Variants in COL19A1 observed in about 807,000 individuals in gnomAD.
COL19A1 encodes the protein collagen type XIX alpha 1 chain, also known as collagen alpha-1(XIX) chain.
Under a neutral mutation model 190.2 loss-of-function variants are expected in COL19A1, and 159 were observed. The ratio of observed to expected loss-of-function variants is 0.84; its 90% confidence interval spans 0.73 to 0.95. The LOEUF (loss-of-function observed/expected upper bound fraction) is 0.95. COL19A1 is among the 40% of genes least tolerant of loss of function. The probability of loss-of-function intolerance (pLI) is 0.00; values close to 1 mark genes in which losing one functional copy is unlikely to be tolerated. For missense variants in COL19A1, 1,418 were observed against 1,431.9 expected, an observed-to-expected ratio of 0.99 and a Z score of 0.16; for synonymous variants, 509 against 458.9, an observed-to-expected ratio of 1.11 and a Z score of -1.39.
At chr6:69,924,530 C>T (rs1772223929) in intron 4 of COL19A1, among the ~76,000 whole-genome samples, 1 of 152,144 alleles carries the variant, frequency 6.6e-6, no homozygotes, top group African/African-American at 2.4e-5. Context: ...GGTTCCAAGT[C>T]TTTGCTATTG....
At chr6:69,938,842 G>A (rs1405160829) in intron 9 of COL19A1, among the ~76,000 whole-genome samples, 1 of 152,106 alleles carries the variant, frequency 6.6e-6, no homozygotes, top group Non-Finnish European at 1.5e-5. Flanking sequence ...ACTCTTTTGA[G>A]TATATCTTTT....
At chr6:70,152,835 G>C (rs1787152009) in intron 31 of COL19A1, among the ~76,000 whole-genome samples, 1 of 152,070 alleles carries the variant, frequency 6.6e-6, no homozygotes, top group Admixed American at 6.6e-5. Flanking sequence ...GAATACTTAG[G>C]GTTCTTTAAG....
intron 2 of COL19A1, among the ~76,000 whole-genome samples, chr6:69,881,403 G>T (rs957521271): frequency 6.6e-6 from 1 of 151,678 alleles, no homozygotes; most frequent in African/African-American, 2.4e-5. Context: ...CATGAAGTCT[G>T]CCCTCTTAAC....
intron 11 of COL19A1, among the ~76,000 whole-genome samples, chr6:69,976,360 A>C (rs530068702): frequency 7.9e-5 from 12 of 152,346 alleles, no homozygotes; most frequent in African/African-American, 2.9e-4. Flanking sequence ...TTTGAAACAT[A>C]TGCTGGGTTT....
At chr6:69,959,952 A>AT (rs1384080271) in intron 9 of COL19A1, 44 bp from the exon 10 acceptor site, 13 of 1,579,596 alleles carry the variant, frequency 8.2e-6, no homozygotes, top group Non-Finnish European at 1.1e-5. Context: ...CTATGTTCAT[A>AT]TATCTTTATG....
chr6:70,126,925 C>T (rs1362682916), intron 17 of COL19A1, among the ~76,000 whole-genome samples: 2 of 152,112 alleles, frequency 1.3e-5, no homozygotes, highest in South Asian at 4.1e-4. Flanking sequence ...ATTTCTGTAC[C>T]TTTTAAGTTT....
At position 70,144,956 on chromosome 6, in the gene COL19A1, A is replaced by G; in HGVS notation, c.1719A>G (p.Pro573=). The stretch of plus-strand genomic sequence containing the variant: ...GGATCATAGGCCCTCCCGGGCTTCC[A>G]GGTCCAAAAGGTGAGGCTGGTCCTC... ...PGGIIGPPGL[P]GPKGEAGPPG... is the part of the protein sequence containing the mutation. Residue 573 remains proline, a synonymous_variant, in exon 25 of 51, where the codon CCA becomes CCG. Transcript: ENST00000620364. 1 of 1,593,208 alleles carries G rather than the reference A, an allele frequency of 6.3e-7. No individual in the cohort carries two copies. Among genetic ancestry groups the G allele is most frequent in the Non-Finnish European group, 8.6e-7 (1 of 1,168,226 alleles).
intron 19 of COL19A1, among the ~76,000 whole-genome samples, chr6:70,139,609 T>G (rs1248772040): frequency 6.6e-6 from 1 of 152,074 alleles, no homozygotes; most frequent in Non-Finnish European, 1.5e-5. Context: ...CAGAACAGGA[T>G]GTAGACTTTA....
At chr6:70,068,202 T>C (rs991187485) in intron 14 of COL19A1, among the ~76,000 whole-genome samples, 4 of 151,986 alleles carry the variant, frequency 2.6e-5, no homozygotes, top group African/African-American at 9.7e-5. Context: ...ACACCTGGTG[T>C]GGGTCTGCCT....
chr6:69,878,444 T>C (rs1426217161), intron 1 of COL19A1, among the ~76,000 whole-genome samples: 1 of 151,922 alleles, frequency 6.6e-6, no homozygotes, highest in African/African-American at 2.4e-5. Flanking sequence ...TCAATCTCTT[T>C]ACCTCGTGAT....
intron 1 of COL19A1, among the ~76,000 whole-genome samples, chr6:69,872,126 A>G (rs34516452): frequency 0.21 from 32,257 of 151,984 alleles, 3,598 homozygotes; most frequent in Admixed American, 0.25. Context: ...TGTACATGTT[A>G]TTCTTTGTTT....
intron 4 of COL19A1, among the ~76,000 whole-genome samples, chr6:69,925,370 A>C (rs1772297063): frequency 6.6e-6 from 1 of 152,096 alleles, no homozygotes; most frequent in Non-Finnish European, 1.5e-5. Flanking sequence ...TGTTTTTGTC[A>C]GGTTTCTCAA....
chr6:69,896,733 T>TA (rs1769801534), intron 2 of COL19A1, among the ~76,000 whole-genome samples: 1 of 152,154 alleles, frequency 6.6e-6, no homozygotes, highest in Admixed American at 6.5e-5. Flanking sequence ...ATTTCCTTGA[T>TA]AACTAATGAT....
At chr6:70,142,720 T>G (rs1562214085) in intron 22 of COL19A1, 47 bp from the exon 23 acceptor site, 3 of 1,540,598 alleles carry the variant, frequency 1.9e-6, no homozygotes, top group Non-Finnish European at 2.7e-6. Context: ...TCTATCTTTT[T>G]TTTTCTTTTT....
At chr6:70,195,688 G>T (rs1767155352) in intron 48 of COL19A1, among the ~76,000 whole-genome samples, 1 of 152,194 alleles carries the variant, frequency 6.6e-6, no homozygotes, top group Non-Finnish European at 1.5e-5. Context: ...TTCAATCAGT[G>T]CTCCTTATTT....
In COL19A1 at chr6:70,163,391, G is replaced by C; in HGVS notation, c.2395G>C (p.Glu799Gln). The change falls in exon 36 of 51, where the codon GAA becomes CAA. Residue 799 changes from glutamate to glutamine, a missense_variant. Coordinates refer to ENST00000620364, the MANE Select transcript of COL19A1 (RefSeq NM_001858.6). Reference sequence around the variant, plus strand: ...TCCTGGTCCCACAGGAGCAAAAGGTGAAAAGGTACAAAGGAAAAGCCTCAC... The same window carrying C: ...TCCTGGTCCCACAGGAGCAAAAGGTCAAAAGGTACAAAGGAAAAGCCTCAC... Reference protein sequence around the residue: ...GHPGPTGAKGEKGSDGPPGKP... With the variant: ...GHPGPTGAKGQKGSDGPPGKP... The C allele has an allele frequency of 6.2e-7, 1 of 1,611,550 alleles. No homozygotes were observed. Among genetic ancestry groups the C allele is most frequent in the Non-Finnish European group, 8.5e-7 (1 of 1,178,656 alleles).
At chr6:70,063,872 T>A (rs1781003119) in intron 14 of COL19A1, among the ~76,000 whole-genome samples, 1 of 151,794 alleles carries the variant, frequency 6.6e-6, no homozygotes, top group Admixed American at 6.6e-5. Context: ...AACTAGAAAA[T>A]CTAGAAGAAA....
intron 14 of COL19A1, among the ~76,000 whole-genome samples, chr6:70,037,426 GATTA>G (rs1779411247): frequency 6.6e-6 from 1 of 152,000 alleles, no homozygotes; most frequent in East Asian, 1.9e-4. Context: ...AAAGTGCTGG[GATTA>G]CAGGCTTGAG....
At chr6:69,962,116 G>C (rs1027593105) in intron 10 of COL19A1, among the ~76,000 whole-genome samples, 21 of 152,192 alleles carry the variant, frequency 1.4e-4, no homozygotes, top group African/African-American at 4.8e-4. Context: ...TGACATGTAG[G>C]AGGCACTCAG....
Sources: gnomAD v4.1 joint callset for allele counts (sites outside exome capture counted in the v4.1 genomes callset) on GRCh38, gnomAD v4.1.1 for gene constraint, MANE v1.5 for transcripts, NCBI Gene and HGNC (gene_info 2026-07-23, HGNC 2026-07-21) for gene names.